The following CHRM3 variants were observed in gnomAD, a reference collection of about 807,000 sequenced individuals.
CHRM3 encodes the protein muscarinic acetylcholine receptor M3.
Under a neutral mutation model 41.8 loss-of-function variants are expected in CHRM3, and 11 were observed. The observed-to-expected ratio is 0.26, with a 90% CI of 0.17 to 0.44. The LOEUF is 0.44. Ranked by LOEUF, CHRM3 falls within the 20% of genes least tolerant of loss-of-function variation. The pLI is 1.00. For synonymous variants in CHRM3, 297 were observed against 301.4 expected (o/e 0.99, Z 0.15); for missense variants, 571 against 745.4 (o/e 0.77, Z 2.72).
At chr1:239,474,690 A>G (rs191441668) in intron 1 of CHRM3, among the ~76,000 whole-genome samples, 2 of 152,246 alleles carry the variant, frequency 1.3e-5, no homozygotes, top group East Asian at 3.9e-4. Flanking sequence ...CTTGATTCAA[A>G]CTAATTTAGT....
chr1:239,901,332 AT>A (rs543910211), intron 6 of CHRM3, among the ~76,000 whole-genome samples: 4,914 of 142,804 alleles, frequency 0.034, 145 homozygotes, highest in African/African-American at 0.085. Flanking sequence ...AAACTTTGGG[AT>A]TTTTTTTTTT....
intron 1 of CHRM3, among the ~76,000 whole-genome samples, chr1:239,425,524 C>T (rs532309608): frequency 1.6e-4 from 25 of 152,140 alleles, no homozygotes; most frequent in African/African-American, 5.1e-4. Flanking sequence ...CCATTTGAAA[C>T]GGCACAACAC....
rs1658818373 is a variant in CHRM3 at position 239,541,910 on chromosome 1, C to T, written c.-421-3731C>T. Among the ~76,000 whole-genome samples the T allele has an allele frequency of 2.0e-5, 3 of 152,150 alleles. No individual in the cohort carries two copies. The South Asian group carries it at 6.2e-4, about 32-fold the overall frequency. ...TCTTTCTCTCAACAAATATTAGAAC[C>T]TGCTGCACACCTAGCTGTCTGCAAA... On this transcript the variant is annotated intron_variant, in intron 2 of 6. Transcript: ENST00000676153.
chr1:239,438,949 G>A (rs567912743), intron 1 of CHRM3, among the ~76,000 whole-genome samples: 1 of 152,268 alleles, frequency 6.6e-6, no homozygotes, highest in African/African-American at 2.4e-5. Context: ...ATTTAATGTG[G>A]AATCAAGGCA....
intron 1 of CHRM3, among the ~76,000 whole-genome samples, chr1:239,439,917 T>A (rs189404855): frequency 6.6e-6 from 1 of 152,226 alleles, no homozygotes; most frequent in Admixed American, 6.5e-5. Context: ...CCTCTCTATA[T>A]GGCCGGGAGC....
chr1:239,741,650 T>A (rs1252418002), intron 5 of CHRM3, among the ~76,000 whole-genome samples: 2 of 151,230 alleles, frequency 1.3e-5, no homozygotes, highest in Non-Finnish European at 2.9e-5. Flanking sequence ...CTGAAGTCAG[T>A]CAAATGTTGG....
chr1:239,423,472 G>A (rs1187707594), intron 1 of CHRM3, among the ~76,000 whole-genome samples: 3 of 152,122 alleles, frequency 2.0e-5, no homozygotes, highest in South Asian at 2.1e-4. Flanking sequence ...GGATGGAGGC[G>A]GGAATGCAGA....
In CHRM3 at chr1:239,721,218, T is replaced by G. The variant is rs548325035; in HGVS notation, c.-147+42930T>G. Among the ~76,000 whole-genome samples the G allele has an allele frequency of 2.0e-5, 3 of 152,010 alleles. No homozygotes were observed. In the South Asian group the frequency reaches 6.2e-4, roughly 32 times the overall value. ...AGAGTACAGAGTCTCTCTCTAATTC[T>G]GTGAGTGAAATTCTCTTTAGAGGGA... On this transcript the variant is annotated intron_variant, in intron 5 of 6. Coordinates refer to ENST00000676153, the MANE Select transcript of CHRM3 (RefSeq NM_001375978.1).
Position 239,733,097 on chromosome 1 carries a change from T to C in CHRM3, c.-147+54809T>C, listed in dbSNP as rs539563169. 1.5e-4 allele frequency among the ~76,000 whole-genome samples: 23 copies of C among 152,186 alleles called. 1 individual carries two copies. In the South Asian group the frequency reaches 4.8e-3, roughly 31 times the overall value. The stretch of plus-strand genomic sequence containing the variant: ...ATTGCCTAAATGCCATTTTATTCAG[T>C]AAAGATGTTACGGCACATTATCCTT... On this transcript the variant is annotated intron_variant, in intron 5 of 6. Transcript: ENST00000676153.
At chr1:239,663,496 G>C (rs1273090632) in intron 4 of CHRM3, among the ~76,000 whole-genome samples, 1 of 152,162 alleles carries the variant, frequency 6.6e-6, no homozygotes, top group Non-Finnish European at 1.5e-5. Context: ...ATGGGATGGA[G>C]TCCTAAGAGA....
chr1:239,499,214 AT>A (rs1668068930), intron 2 of CHRM3, among the ~76,000 whole-genome samples: 1 of 152,070 alleles, frequency 6.6e-6, no homozygotes, highest in Non-Finnish European at 1.5e-5. Context: ...GATTTAGGAG[AT>A]CATTCGGTGC....
At chr1:239,897,264 G>A (rs1327959069) in intron 6 of CHRM3, among the ~76,000 whole-genome samples, 1 of 152,088 alleles carries the variant, frequency 6.6e-6, no homozygotes, top group Non-Finnish European at 1.5e-5. Context: ...TCAGATGTGT[G>A]GAACATGTCC....
chr1:239,632,750 T>A (rs1409117629), intron 4 of CHRM3, among the ~76,000 whole-genome samples: 2 of 152,194 alleles, frequency 1.3e-5, no homozygotes, highest in East Asian at 3.9e-4. Context: ...CTTTCTTAGA[T>A]GTTATCCTTA....
chr1:239,784,916 G>A (rs1023946922), intron 5 of CHRM3, among the ~76,000 whole-genome samples: 3 of 152,056 alleles, frequency 2.0e-5, no homozygotes, highest in Non-Finnish European at 4.4e-5. Flanking sequence ...TTTAGTTTAG[G>A]CTTTTTAGTT....
intron 3 of CHRM3, chr1:239,606,056 A>G (rs2148715946): frequency 6.6e-6 from 1 of 152,316 alleles, no homozygotes; most frequent in Non-Finnish European, 1.5e-5. Flanking sequence ...TGTAGTACGC[A>G]GAGTGCGGAA....
chr1:239,650,891 TCA>T (rs1454519302), intron 4 of CHRM3, among the ~76,000 whole-genome samples: 3 of 152,216 alleles, frequency 2.0e-5, no homozygotes, highest in Non-Finnish European at 2.9e-5. Flanking sequence ...TTTTGTAGTA[TCA>T]CACATTAATA....
intron 4 of CHRM3, among the ~76,000 whole-genome samples, chr1:239,670,585 A>C (rs1674256996): frequency 1.3e-5 from 2 of 151,996 alleles, no homozygotes; most frequent in South Asian, 4.1e-4. Flanking sequence ...ATCTCGGCTC[A>C]CTGCAACCTC....
chr1:239,535,172 G>A (rs376935415), intron 2 of CHRM3, among the ~76,000 whole-genome samples: 92 of 152,174 alleles, frequency 6.0e-4, no homozygotes, highest in Middle Eastern at 3.4e-3. Context: ...GAAGGAAGGG[G>A]GATGGACAAA....
intron 5 of CHRM3, among the ~76,000 whole-genome samples, chr1:239,734,651 C>T (rs563549582): frequency 6.6e-6 from 1 of 152,166 alleles, no homozygotes; most frequent in Admixed American, 6.5e-5. Context: ...ATTATATAAT[C>T]AGATACATGT....
Sources: allele counts gnomAD v4.1 joint callset (sites outside exome capture counted in the v4.1 genomes callset), GRCh38; gene constraint gnomAD v4.1.1; transcripts MANE v1.5; gene names NCBI Gene and HGNC (gene_info 2026-07-23, HGNC 2026-07-21).